ROBO1: variants seen among roughly 807,000 people sequenced by gnomAD.
ROBO1 encodes roundabout guidance receptor 1.
Under a neutral mutation model 195.9 loss-of-function variants are expected in ROBO1, and 149 were observed. The ratio of observed to expected loss-of-function variants is 0.76; its 90% CI spans 0.67 to 0.87. ROBO1 has a LOEUF of 0.87. Among genes scored for constraint, ROBO1 ranks in the 40% least tolerant of loss-of-function variants. The probability of loss-of-function intolerance (pLI) is 0.00; values close to 1 mark genes in which losing one functional copy is unlikely to be tolerated. For missense variants in ROBO1, 1,933 were observed against 2,068.3 expected, an observed-to-expected ratio of 0.93 and a Z score of 1.27; for synonymous variants, 816 against 733.2, an observed-to-expected ratio of 1.11 and a Z score of -1.82.
At chr3:78,710,408 C>T (rs889146644) in intron 8 of ROBO1, among the ~76,000 whole-genome samples, 6 of 152,124 alleles carry the variant, frequency 3.9e-5, no homozygotes, top group Non-Finnish European at 8.8e-5. Flanking sequence ...ATTAGTACTT[C>T]AGATTCTTCA....
chr3:79,451,924 A>C (rs1327744316), intron 2 of ROBO1, among the ~76,000 whole-genome samples: 1 of 152,084 alleles, frequency 6.6e-6, no homozygotes, highest in African/African-American at 2.4e-5. Context: ...AGAAAAAAAA[A>C]AGTTAAGCAA....
chr3:78,732,214 T>C (rs996400221), intron 5 of ROBO1, among the ~76,000 whole-genome samples: 1 of 152,028 alleles, frequency 6.6e-6, no homozygotes, highest in Non-Finnish European at 1.5e-5. Context: ...TCTCACGCCA[T>C]AAACTACAAA....
intron 2 of ROBO1, among the ~76,000 whole-genome samples, chr3:79,126,816 C>T (rs563637743): frequency 4.3e-4 from 66 of 152,156 alleles, no homozygotes; most frequent in African/African-American, 1.6e-3. Context: ...TCTCCACTAG[C>T]TAGGTCAACA....
chr3:79,685,255 AAC>A (rs1947067017), intron 1 of ROBO1, among the ~76,000 whole-genome samples: 1 of 152,138 alleles, frequency 6.6e-6, no homozygotes, highest in East Asian at 1.9e-4. Context: ...CATGTTGGGA[AAC>A]ACTTCCTGCT....
At chr3:78,656,135 T>G in intron 18 of ROBO1, among the ~76,000 whole-genome samples, 1 of 152,116 alleles carries the variant, frequency 6.6e-6, no homozygotes, top group East Asian at 1.9e-4. Flanking sequence ...TTTTTTTAAT[T>G]CATCTAACCA....
intron 2 of ROBO1, among the ~76,000 whole-genome samples, chr3:79,450,490 C>T (rs979599298): frequency 2.0e-5 from 3 of 151,910 alleles, no homozygotes; most frequent in Non-Finnish European, 2.9e-5. Flanking sequence ...TTCAGTTATA[C>T]GAATAATGTA....
chr3:78,845,908 A>C (rs954243276), intron 4 of ROBO1, among the ~76,000 whole-genome samples: 6 of 152,130 alleles, frequency 3.9e-5, no homozygotes, highest in African/African-American at 9.7e-5. Context: ...CAGACTAATA[A>C]ATTATTCTTC....
At chr3:79,270,201 C>A (rs1192722243) in intron 2 of ROBO1, among the ~76,000 whole-genome samples, 1 of 151,364 alleles carries the variant, frequency 6.6e-6, no homozygotes, top group Non-Finnish European at 1.5e-5. Flanking sequence ...CTCTCTCTCT[C>A]TCTCTCTCTC....
intron 3 of ROBO1, among the ~76,000 whole-genome samples, chr3:79,034,027 T>A (rs1011837745): frequency 6.6e-6 from 1 of 152,174 alleles, no homozygotes; most frequent in African/African-American, 2.4e-5. Flanking sequence ...TAGTGCTTTA[T>A]AATTTACTCT....
At chr3:79,160,918 C>T (rs1030667444) in intron 2 of ROBO1, among the ~76,000 whole-genome samples, 11 of 152,002 alleles carry the variant, frequency 7.2e-5, no homozygotes, top group Non-Finnish European at 1.5e-4. Flanking sequence ...TTACTATGCA[C>T]GTAAAGAGAA....
chr3:78,685,731 T>C lies in ROBO1; in HGVS notation c.1342+15A>G. 1.3e-6 allele frequency: 2 copies of C among 1,553,158 alleles called. No individual in the cohort carries two copies. Among genetic ancestry groups the C allele is most frequent in the Non-Finnish European group, 1.8e-6 (2 of 1,139,824 alleles). ...CAAACTTGGACATTTTGAAATAAAA[T>C]GTTTTACACTTTACCATCTGTAACT... On this transcript the variant is annotated intron_variant, in intron 10 of 30. Coordinates refer to ENST00000464233, the MANE Select transcript of ROBO1 (RefSeq NM_002941.4).
rs577286556 is a variant in ROBO1 at position 79,516,488 on chromosome 3, C to G, written c.88+73336G>C. ...TCTACCCCAATTTTCACACAATCCT[C>G]CCTACTGCCACACTGATACACAGAC... On this transcript the variant is annotated intron_variant, in intron 2 of 30. Coordinates refer to ENST00000464233, the MANE Select transcript of ROBO1 (RefSeq NM_002941.4). Among the ~76,000 whole-genome samples the G allele has an allele frequency of 3.2e-3, 493 of 152,292 alleles. 2 individuals carry two copies. Among genetic ancestry groups the G allele is most frequent in the African/African-American group, 0.011 (441 of 41,570 alleles).
At chr3:79,305,011 G>A (rs1242278590) in intron 2 of ROBO1, among the ~76,000 whole-genome samples, 1 of 152,058 alleles carries the variant, frequency 6.6e-6, no homozygotes, top group Non-Finnish European at 1.5e-5. Flanking sequence ...TAGTCAATAC[G>A]TGGTATGGTT....
At chr3:79,720,750 T>C (rs1331463922) in intron 1 of ROBO1, among the ~76,000 whole-genome samples, 2 of 151,964 alleles carry the variant, frequency 1.3e-5, no homozygotes, top group Admixed American at 6.6e-5. Flanking sequence ...TGCCATACAA[T>C]ACTGTGGTTT....
intron 4 of ROBO1, among the ~76,000 whole-genome samples, chr3:78,918,290 C>A (rs1322126437): frequency 6.6e-6 from 1 of 152,118 alleles, no homozygotes; most frequent in South Asian, 2.1e-4. Context: ...GAGTGAAAAG[C>A]CCATTTTGCA....
intron 2 of ROBO1, among the ~76,000 whole-genome samples, chr3:79,536,982 A>G (rs969751979): frequency 3.9e-5 from 6 of 152,198 alleles, no homozygotes; most frequent in African/African-American, 1.2e-4. Flanking sequence ...TAAGCATTCA[A>G]TAAACAAACC....
At chr3:79,476,207 C>T (rs974675790) in intron 2 of ROBO1, among the ~76,000 whole-genome samples, 1 of 152,076 alleles carries the variant, frequency 6.6e-6, no homozygotes, top group Non-Finnish European at 1.5e-5. Flanking sequence ...TACCAGTTTA[C>T]TTCTGCAAGA....
intron 2 of ROBO1, among the ~76,000 whole-genome samples, chr3:79,286,576 A>C (rs1283616016): frequency 5.3e-5 from 8 of 152,122 alleles, no homozygotes; most frequent in African/African-American, 1.7e-4. Flanking sequence ...ATGCCCACCA[A>C]CCTTAATTAC....
At chr3:79,548,103 A>G (rs950580718) in intron 2 of ROBO1, among the ~76,000 whole-genome samples, 2 of 152,198 alleles carry the variant, frequency 1.3e-5, no homozygotes, top group Non-Finnish European at 2.9e-5. Context: ...AGCAAAATGC[A>G]GAAAGTGTGG....
Sources: allele counts gnomAD v4.1 joint callset (sites outside exome capture counted in the v4.1 genomes callset), GRCh38; gene constraint gnomAD v4.1.1; transcripts MANE v1.5; gene names NCBI Gene and HGNC (gene_info 2026-07-23, HGNC 2026-07-21).